MUS81: variants seen among roughly 807,000 people sequenced by gnomAD.
MUS81 encodes structure-specific endonuclease subunit MUS81.
A neutral mutation model predicts 74.2 loss-of-function variants in MUS81; 69 were observed. The ratio of observed to expected loss-of-function variants is 0.93; its 90% confidence interval spans 0.77 to 1.14. The LOEUF (loss-of-function observed/expected upper bound fraction) is 1.14, where lower values mean the gene tolerates loss of function less well. Among genes scored for constraint, MUS81 ranks in the 50% most tolerant of loss-of-function variants. The probability of loss-of-function intolerance (pLI) is 0.00; values close to 1 mark genes in which losing one functional copy is unlikely to be tolerated. For synonymous variants in MUS81, 303 were observed against 300.6 expected, an observed-to-expected ratio of 1.01 and a Z score of -0.08; for missense variants, 711 against 726.5, an observed-to-expected ratio of 0.98 and a Z score of 0.25.
chr11:65,864,668 T>C (rs1483075776), intron 11 of MUS81, 52 bp from the exon 12 acceptor site: 1 of 1,612,062 alleles, frequency 6.2e-7, no homozygotes, highest in Non-Finnish European at 8.5e-7. Context: ...TGGTCCATGG[T>C]TCATGGTCTA....
Position 65,861,078 on chromosome 11 carries a change from C to A in MUS81, c.241C>A (p.Leu81Met), listed in dbSNP as rs760278675. Residue 81 changes from leucine (L) to methionine (M), a missense_variant, in exon 2 of 16, where the codon CTG becomes ATG. Leu to Met is a conservative substitution (Grantham distance 15, BLOSUM62 2). Transcript: ENST00000308110. ...DGLCRMLDER[L>M]QRHRTSGGDH... ...GCTCTGCCGGATGCTGGACGAGCGGCTGCAGCGGCACCGAACATCGGGCGG... is the reference window on the plus strand; with the variant it reads ...GCTCTGCCGGATGCTGGACGAGCGGATGCAGCGGCACCGAACATCGGGCGG... The A allele has an allele frequency of 6.2e-7, 1 of 1,612,610 alleles. No individual in the cohort carries two copies. Among genetic ancestry groups the A allele is most frequent in the Admixed American group, 1.7e-5 (1 of 60,028 alleles).
At chr11:65,867,238 GTC>G, downstream of MUS81, 1 of 775,794 alleles carries the variant, frequency 1.3e-6, no homozygotes, top group Non-Finnish European at 2.1e-6. Flanking sequence ...CACCCTCGAT[GTC>G]TCTCCTCCCC....
chr11:65,861,883 G>A (rs977904606), intron 3 of MUS81, 64 bp from the exon 4 acceptor site: 1 of 1,339,866 alleles, frequency 7.5e-7, no homozygotes, highest in Admixed American at 2.1e-5. Context: ...CACAAAGCCT[G>A]CTGGGGACTT....
intron 13 of MUS81, 28 bp downstream of exon 13, chr11:65,865,173 A>G (rs1859777767): frequency 6.2e-6 from 10 of 1,614,084 alleles, no homozygotes; most frequent in South Asian, 2.2e-5. Context: ...CTTCTCAGAC[A>G]TGGCCTGGCC....
rs780524293 is a variant in MUS81 at position 65,862,581 on chromosome 11, G to A, written c.605+52G>A. Reference sequence around the variant, plus strand: ...AGAGCATGAGTGAACTTCTTAGTAGGGCCTTAGAGTCACCCAACAACTCCC... The same window carrying A: ...AGAGCATGAGTGAACTTCTTAGTAGAGCCTTAGAGTCACCCAACAACTCCC... On this transcript the variant is annotated intron_variant, in intron 6 of 15. Coordinates refer to ENST00000308110, the MANE Select transcript of MUS81 (RefSeq NM_025128.5). 3.2e-6 allele frequency: 5 copies of A among 1,538,602 alleles called. No homozygotes were observed. The African/African-American group carries it at 6.8e-5, about 21-fold the overall frequency.
At chr11:65,859,956 A>G (rs1859518202), upstream of MUS81, 1 of 211,240 alleles carries the variant, frequency 4.7e-6, no homozygotes, top group Non-Finnish European at 1.0e-5. Flanking sequence ...GGCCTCCCCA[A>G]CTGCCAGGAT....
At chr11:65,867,600 G>T, downstream of MUS81, 1 of 534,036 alleles carries the variant, frequency 1.9e-6, no homozygotes, top group South Asian at 2.0e-5. Context: ...CATTCCCTTG[G>T]TTTGTGGGTG....
In MUS81 at chr11:65,863,826, G is replaced by A. The variant is rs758059940; in HGVS notation, c.984G>A (p.Leu328=). 6.2e-7 allele frequency: 1 copy of A among 1,614,052 alleles called. No individual in the cohort carries two copies. Among genetic ancestry groups the A allele is most frequent in the African/African-American group, 1.3e-5 (1 of 74,906 alleles). ...CAGCAAACCCTGGGGAGTTGGTACTGGATCACATTGTGGAGCGCAAGCGAC... is the reference window on the plus strand; with the variant it reads ...CAGCAAACCCTGGGGAGTTGGTACTAGATCACATTGTGGAGCGCAAGCGAC... The part of the protein sequence containing the change: ...RDPANPGELV[L]DHIVERKRLD... Residue 328 remains leucine (L), a synonymous_variant, in exon 10 of 16, where the codon CTG becomes CTA. Coordinates refer to ENST00000308110, the MANE Select transcript of MUS81 (RefSeq NM_025128.5).
chr11:65,861,939 C>G lies in MUS81; in HGVS notation c.352-8C>G. 6 of 1,603,478 alleles carry G rather than the reference C, an allele frequency of 3.7e-6. No homozygotes were observed. The highest frequency in any genetic ancestry group is 5.1e-6 in the Non-Finnish European group (6 of 1,175,454). On this transcript the variant is annotated splice_polypyrimidine_tract_variant and splice_region_variant and intron_variant, in intron 3 of 15. Coordinates refer to ENST00000308110, the MANE Select transcript of MUS81 (RefSeq NM_025128.5). Reference sequence around the variant, plus strand: ...CTTTCATGTTCAGAACTCCTCTGTACCTTTCAGGTTCCTGCCCAGCCCAAA... The same window carrying G: ...CTTTCATGTTCAGAACTCCTCTGTAGCTTTCAGGTTCCTGCCCAGCCCAAA...
chr11:65,864,997 T>A lies in MUS81; in HGVS notation c.1273-20T>A, dbSNP rs1341571405. On this transcript the variant is annotated intron_variant, in intron 12 of 15. Transcript: ENST00000308110. ...TGTTCCTTCGAGCTCCAGCCTGGCC[T>A]CAGTCCCTTCTTCCCTCAGGGCCAC... The A allele has an allele frequency of 6.2e-7, 1 of 1,612,376 alleles. No individual in the cohort carries two copies. The highest frequency in any genetic ancestry group is 1.7e-5 in the Admixed American group (1 of 60,006).
chr11:65,860,381 G>A, upstream of MUS81: 1 of 481,394 alleles, frequency 2.1e-6, no homozygotes, highest in Non-Finnish European at 4.1e-6. Context: ...CACAGGGGGC[G>A]CTGTCCGCCT....
chr11:65,860,213 T>G, upstream of MUS81: 1 of 455,076 alleles, frequency 2.2e-6, no homozygotes, highest in Non-Finnish European at 4.4e-6. Flanking sequence ...TTTGCACCCG[T>G]TTGTCTCCTA....
Position 65,860,718 on chromosome 11 carries a change from C to CGGGCGT in MUS81, c.-33_-28dup, listed in dbSNP as rs1219902085. 53 of 1,532,552 alleles carry CGGGCGT rather than the reference C, an allele frequency of 3.5e-5. No homozygotes were observed. The highest frequency in any genetic ancestry group is 4.6e-5 in the Non-Finnish European group (53 of 1,145,654). The allele number at this position is 1,532,552 out of a possible 1,614,324, so 94.9% of individuals were successfully genotyped here. ...CAGAACTGGCGGCGTCCCAGTCCCG[C>CGGGCGT]GGGCGTGGAGCGCCGGAGGACCCGC... On this transcript the variant is annotated 5_prime_UTR_variant, in exon 1 of 16. Transcript: ENST00000308110.
chr11:65,864,240 CAGA>C, intron 10 of MUS81: 1 of 587,168 alleles, frequency 1.7e-6, no homozygotes, highest in Non-Finnish European at 3.0e-6. Context: ...CCCCTAGTCA[CAGA>C]GGCCATGTGC....
intron 10 of MUS81, 98 bp from the exon 11 acceptor site, chr11:65,864,399 A>G: frequency 9.0e-7 from 1 of 1,109,984 alleles, no homozygotes; most frequent in South Asian, 1.3e-5. Flanking sequence ...AACTGGTGGG[A>G]ACAGGGTCCC....
chr11:65,860,865 C>G lies in MUS81; in HGVS notation c.112C>G (p.Arg38Gly), dbSNP rs570698749. The G allele has an allele frequency of 2.7e-4, 417 of 1,554,524 alleles. No homozygotes were observed. The highest frequency in any genetic ancestry group is 3.4e-4 in the Non-Finnish European group (393 of 1,152,202). The change falls in exon 1 of 16, where the codon CGC (arginine) becomes GGC (glycine). Residue 38 changes from arginine to glycine, a missense_variant. By Grantham distance (125) the Arg-to-Gly change is moderately radical. Transcript: ENST00000308110. The part of the protein sequence containing the change: ...WRDEATRSRR[R>G]TRFVFQKALR... ...GGACGAGGCGACCCGCAGCAGGCGC[C>G]GCACGCGCTTCGTATTTCAGAAGGT...
chr11:65,860,610 G>T lies in MUS81; in HGVS notation c.-144G>T. ...CCTCTCGTTAGTGCCCCCTGTGTTT[G>T]GGGCCCCGTGATCTCAACGGTCCTG... is the stretch of plus-strand genomic sequence containing the variant. On this transcript the variant is annotated 5_prime_UTR_variant, in exon 1 of 16. Transcript: ENST00000308110. The T allele has an allele frequency of 5.0e-6, 6 of 1,191,952 alleles. No individual in the cohort carries two copies. The highest frequency in any genetic ancestry group is 1.3e-5 in the South Asian group (1 of 74,170). 73.8% of individuals were successfully genotyped at this position (1,191,952 alleles called of 1,614,324 possible).
At chr11:65,861,850 C>A in intron 3 of MUS81, 97 bp from the exon 4 acceptor site, 1 of 917,592 alleles carries the variant, frequency 1.1e-6, no homozygotes, top group Non-Finnish European at 1.7e-6. Context: ...AACTGAGAGA[C>A]AACTGAGTGA....
At chr11:65,865,463 G>A in intron 14 of MUS81, 140 bp downstream of exon 14, 1 of 912,632 alleles carries the variant, frequency 1.1e-6, no homozygotes, top group Non-Finnish European at 1.6e-6. Flanking sequence ...GGGTGCTCGT[G>A]GAGGTCAAGT....
Sources: allele counts gnomAD v4.1 joint callset, GRCh38; gene constraint gnomAD v4.1.1; transcripts MANE v1.5; gene names NCBI Gene and HGNC (gene_info 2026-07-23, HGNC 2026-07-21).